GIMAP6: variants seen among roughly 807,000 people sequenced by gnomAD.
The protein encoded by GIMAP6 is GTPase IMAP family member 6.
GIMAP6 carries 6 observed loss-of-function variants against 9.3 expected under a neutral mutation model. The ratio of observed to expected loss-of-function variants is 0.65; its 90% CI spans 0.35 to 1.27. The LOEUF (loss-of-function observed/expected upper bound fraction) is 1.27, where lower values mean the gene tolerates loss of function less well. GIMAP6 is among the 50% of genes most tolerant of loss of function. The pLI, the probability that GIMAP6 is intolerant of heterozygous loss-of-function variation, is 0.03. For missense variants in GIMAP6, 333 were observed against 359.5 expected, an observed-to-expected ratio of 0.93 and a Z score of 0.60; for synonymous variants, 156 against 151.1, an observed-to-expected ratio of 1.03 and a Z score of -0.24.
chr7:150,629,630 C>T (rs1046182911), intron 2 of GIMAP6, among the ~76,000 whole-genome samples: 22 of 152,206 alleles, frequency 1.4e-4, no homozygotes, highest in Admixed American at 7.2e-4. Context: ...GTGCACAAGG[C>T]GCTTTCAAAC....
intron 2 of GIMAP6, 87 bp downstream of exon 2, chr7:150,629,971 C>T: frequency 1.1e-6 from 1 of 895,270 alleles, no homozygotes; most frequent in Admixed American, 2.6e-5. Flanking sequence ...CGTCAGCTTC[C>T]TCTCCAAGCA....
In GIMAP6 at chr7:150,628,059, G is replaced by T; in HGVS notation, c.539C>A (p.Thr180Asn). The change falls in exon 3 of 3, where the codon ACC becomes AAC. Residue 180 changes from threonine to asparagine, a missense_variant. By Grantham distance (65) the Thr-to-Asn change is moderately conservative. Coordinates refer to ENST00000328902, the MANE Select transcript of GIMAP6 (RefSeq NM_024711.6). Reference sequence around the variant, plus strand: ...CAGCCAGGCAAGGGCCTGGTTGTTGGTCTCTCGCACATAGTCTTCCAGGGA... The same window carrying T: ...CAGCCAGGCAAGGGCCTGGTTGTTGTTCTCTCGCACATAGTCTTCCAGGGA... ...GGSLEDYVRE[T>N]NNQALAWLDV... The T allele has an allele frequency of 6.2e-7, 1 of 1,614,176 alleles. No individual in the cohort carries two copies. The highest frequency in any genetic ancestry group is 8.5e-7 in the Non-Finnish European group (1 of 1,180,008).
Position 150,627,673 on chromosome 7 carries a change from G to C in GIMAP6, c.*46C>G. On this transcript the variant is annotated 3_prime_UTR_variant, in exon 3 of 3. Coordinates refer to ENST00000328902, the MANE Select transcript of GIMAP6 (RefSeq NM_024711.6). The stretch of plus-strand genomic sequence containing the variant: ...AGAGAAACAGAGGGCTGGACACAGG[G>C]GGGTGCAAAGGCTGATGGTGTCCTT... 6.2e-7 allele frequency: 1 copy of C among 1,609,414 alleles called. No homozygotes were observed. Among genetic ancestry groups the C allele is most frequent in the Non-Finnish European group, 8.5e-7 (1 of 1,176,352 alleles).
rs202199050 is a variant in GIMAP6 at position 150,628,508 on chromosome 7, T to C, written c.90A>G (p.Leu30=). 1 of 1,613,328 alleles carries C rather than the reference T, an allele frequency of 6.2e-7. No homozygotes were observed. The highest frequency in any genetic ancestry group is 2.2e-5 in the East Asian group (1 of 44,886). The stretch of plus-strand genomic sequence containing the variant: ...TTGGGGTCTTCTGTTCTTTCTCCCT[T>C]AGACCTAGAAATATCCAAAGAAAGC... ...QDPVLELSGG[L]REKEQKTPRR... is the part of the protein sequence containing the mutation. The change falls in exon 3 of 3, where the codon CTA becomes CTG. Residue 30 remains leucine (L), a synonymous_variant. Transcript: ENST00000328902.
At chr7:150,631,430 T>A (rs1796390189) in intron 1 of GIMAP6, among the ~76,000 whole-genome samples, 1 of 152,074 alleles carries the variant, frequency 6.6e-6, no homozygotes, top group South Asian at 2.1e-4. Flanking sequence ...CCAAAGGGAG[T>A]TAGTTCTTCC....
intron 2 of GIMAP6, chr7:150,628,881 G>C (rs1796347420): frequency 1.6e-6 from 1 of 616,214 alleles, no homozygotes; most frequent in South Asian, 2.7e-5. Context: ...GTAATAGCTG[G>C]TTTCCCAGTC....
chr7:150,627,498 A>C lies in GIMAP6; in HGVS notation c.*221T>G, dbSNP rs1796314294. 1 of 604,732 alleles carries C rather than the reference A, an allele frequency of 1.7e-6. No homozygotes were observed. The allele number at this position is 604,732 out of a possible 1,614,324, so 37.5% of individuals were successfully genotyped here. Reference sequence around the variant, plus strand: ...GGAAGACAGCGTGCTGTTGGGGCACAGAGGAGGGAGGACCCAGATGTTCTG... The same window carrying C: ...GGAAGACAGCGTGCTGTTGGGGCACCGAGGAGGGAGGACCCAGATGTTCTG... On this transcript the variant is annotated 3_prime_UTR_variant, in exon 3 of 3. Coordinates refer to ENST00000328902, the MANE Select transcript of GIMAP6 (RefSeq NM_024711.6).
At chr7:150,630,685 A>T (rs58992715) in intron 1 of GIMAP6, among the ~76,000 whole-genome samples, 277 of 152,180 alleles carry the variant, frequency 1.8e-3, no homozygotes, top group African/African-American at 5.8e-3. Flanking sequence ...AGGGTTACAG[A>T]GGACTGGGAT....
At position 150,629,927 on chromosome 7, in the gene GIMAP6, T is replaced by A. The variant is rs151224729; in HGVS notation, c.85+131A>T. ...GCCCTACCCCAAAGGCCTCTGATGG[T>A]GGCTGAGGCGGGTAAATTTCTGTGA... On this transcript the variant is annotated intron_variant, in intron 2 of 2. Transcript: ENST00000328902. 1.0e-3 allele frequency: 727 copies of A among 697,874 alleles called. 5 individuals carry two copies. The highest frequency in any genetic ancestry group is 9.6e-3 in the African/African-American group (512 of 53,126). 43.2% of individuals were successfully genotyped at this position (697,874 alleles called of 1,614,324 possible).
At chr7:150,630,210 C>G in intron 1 of GIMAP6, 68 bp from the exon 2 acceptor site, 1 of 1,299,198 alleles carries the variant, frequency 7.7e-7, no homozygotes, top group Non-Finnish European at 1.1e-6. Context: ...TCAACAGCCA[C>G]CTGCCTTTCG....
intron 2 of GIMAP6, among the ~76,000 whole-genome samples, chr7:150,629,103 A>G (rs10272462): frequency 0.32 from 48,716 of 152,058 alleles, 7,941 homozygotes; most frequent in South Asian, 0.42. Flanking sequence ...AGGAATTTGA[A>G]TGAATGGGCA....
In GIMAP6 at chr7:150,629,836, G is replaced by A. The variant is rs143160275; in HGVS notation, c.85+222C>T. 2.6e-3 allele frequency among the ~76,000 whole-genome samples: 393 copies of A among 152,080 alleles called. 2 individuals are homozygous for A. Among genetic ancestry groups the A allele is most frequent in the African/African-American group, 8.7e-3 (362 of 41,500 alleles). ...GATTTAGTCATTGGTGCTATTTCTC[G>A]CCTCCTTTTATCTACCATACCTATC... On this transcript the variant is annotated intron_variant, in intron 2 of 2. Coordinates refer to ENST00000328902, the MANE Select transcript of GIMAP6 (RefSeq NM_024711.6).
intron 2 of GIMAP6, among the ~76,000 whole-genome samples, chr7:150,629,565 C>T (rs937325171): frequency 1.5e-4 from 23 of 152,150 alleles, no homozygotes; most frequent in Non-Finnish European, 3.1e-4. Context: ...GGGAAAGGGA[C>T]GCCCTCGATA....
At chr7:150,629,000 G>A (rs1796348883) in intron 2 of GIMAP6, among the ~76,000 whole-genome samples, 1 of 152,242 alleles carries the variant, frequency 6.6e-6, no homozygotes. Context: ...AACAGGCCTT[G>A]CTGTGGCCTG....
In GIMAP6 at chr7:150,626,329, T is replaced by A. The variant is rs1796291667; in HGVS notation, c.*1390A>T. ...GCTAAAGGCCCCCTGCTACGCAGCT[T>A]GAAGAAAGGAAAAGAGGAATATATT... On this transcript the variant is annotated 3_prime_UTR_variant, in exon 3 of 3. Coordinates refer to ENST00000328902, the MANE Select transcript of GIMAP6 (RefSeq NM_024711.6). 6.6e-6 allele frequency: 1 copy of A among 152,302 alleles called. No homozygotes were observed. 9.4% of individuals were successfully genotyped at this position (152,302 alleles called of 1,614,324 possible).
chr7:150,627,644 G>C lies in GIMAP6; in HGVS notation c.*75C>G. On this transcript the variant is annotated 3_prime_UTR_variant, in exon 3 of 3. Transcript: ENST00000328902. ...GAGACTGGGAAGCACTCCATGGGAT[G>C]GAAAGAGAAACAGAGGGCTGGACAC... The C allele has an allele frequency of 6.3e-7, 1 of 1,579,922 alleles. No homozygotes were observed. The highest frequency in any genetic ancestry group is 8.7e-7 in the Non-Finnish European group (1 of 1,150,966).
chr7:150,629,167 G>A (rs190466573), intron 2 of GIMAP6, among the ~76,000 whole-genome samples: 1 of 152,350 alleles, frequency 6.6e-6, no homozygotes, highest in East Asian at 1.9e-4. Context: ...TGCAGAGCCA[G>A]AGGAGACAGG....
intron 1 of GIMAP6, 40 bp from the exon 2 acceptor site, chr7:150,630,182 T>C: frequency 1.4e-6 from 2 of 1,474,012 alleles, no homozygotes; most frequent in Admixed American, 2.3e-5. Flanking sequence ...TATGTTCTAC[T>C]GACTTTCCAA....
intron 1 of GIMAP6, among the ~76,000 whole-genome samples, chr7:150,631,576 G>A (rs531602281): frequency 2.1e-4 from 32 of 152,284 alleles, no homozygotes; most frequent in Admixed American, 3.9e-4. Flanking sequence ...AACAACAGCC[G>A]GGTGGGACTA....
Sources: allele counts gnomAD v4.1 joint callset (sites outside exome capture counted in the v4.1 genomes callset), GRCh38; gene constraint gnomAD v4.1.1; transcripts MANE v1.5; gene names NCBI Gene and HGNC (gene_info 2026-07-23, HGNC 2026-07-21).